ADAM11: variants seen among roughly 807,000 people sequenced by gnomAD.
ADAM11 encodes disintegrin and metalloproteinase domain-containing protein 11.
A neutral mutation model predicts 119.1 loss-of-function variants in ADAM11; 49 were observed. The ratio of observed to expected loss-of-function variants is 0.41; its 90% confidence interval spans 0.33 to 0.52. The LOEUF is 0.52. ADAM11 is among the 20% of genes least tolerant of loss of function. The probability of loss-of-function intolerance (pLI) is 0.20; values close to 1 mark genes in which losing one functional copy is unlikely to be tolerated. For missense variants in ADAM11, 777 were observed against 1,047.5 expected (o/e 0.74, Z 3.56); for synonymous variants, 364 against 408.0 (o/e 0.89, Z 1.30).
Position 44,775,781 on chromosome 17 carries a change from G to A in ADAM11, c.1485+105G>A, listed in dbSNP as rs998192856. 1.3e-5 allele frequency: 15 copies of A among 1,197,464 alleles called. No homozygotes were observed. In the African/African-American group the frequency reaches 1.8e-4, roughly 15 times the overall value. 74.2% of individuals were successfully genotyped at this position (1,197,464 alleles called of 1,614,324 possible). ...GGAGGGAAGCGGAGCCTTCGGGGAC[G>A]AAGGCCTCTGGGGCAGGGCTTGATG... is the stretch of plus-strand genomic sequence containing the variant. On this transcript the variant is annotated intron_variant, in intron 17 of 26. Transcript: ENST00000200557. The surrounding 1 kb of genome is among the most constrained non-coding windows in gnomAD (Gnocchi z 7.5).
rs2049600975 is a variant in ADAM11, at chr17:44,776,296, TC to T, written c.1566+93del. 7.3e-7 allele frequency: 1 copy of T among 1,377,020 alleles called. No individual in the cohort carries two copies. Among genetic ancestry groups the T allele is most frequent in the African/African-American group, 1.4e-5 (1 of 70,206 alleles). 85.3% of individuals were successfully genotyped at this position (1,377,020 alleles called of 1,614,324 possible). A position where few individuals can be genotyped will look rare whatever the true frequency, so the allele number is the denominator to read the frequency against. On this transcript the variant is annotated intron_variant, in intron 18 of 26. Transcript: ENST00000200557. The surrounding 1 kb of genome is among the most constrained non-coding windows in gnomAD (Gnocchi z 5.2). Reference sequence around the variant, plus strand: ...GTTTTCCCGGACGAGTGCTCAGCACTCCCCTCCTCTCCACAGCTGGCATCGA... The same window carrying T: ...GTTTTCCCGGACGAGTGCTCAGCACTCCCTCCTCTCCACAGCTGGCATCGA...
rs1040737594 is a variant in ADAM11, at chr17:44,778,562, C to G, written c.2276+320C>G. On this transcript the variant is annotated intron_variant, in intron 25 of 26. Transcript: ENST00000200557. ...CAAAAATTAGCCAGCCATGGTGGTGCGCACCTGTAATCCCAGCTACTTGCG... is the reference window on the plus strand; with the variant it reads ...CAAAAATTAGCCAGCCATGGTGGTGGGCACCTGTAATCCCAGCTACTTGCG... Among the ~76,000 whole-genome samples, 8 of 151,796 alleles carry G rather than the reference C, an allele frequency of 5.3e-5. No homozygotes were observed. In the East Asian group the frequency reaches 9.7e-4, roughly 18 times the overall value.
intron 26 of ADAM11, 101 bp from the exon 27 acceptor site, chr17:44,779,638 G>T (rs990100128): frequency 3.5e-5 from 52 of 1,501,922 alleles, no homozygotes; most frequent in Non-Finnish European, 4.1e-5. Flanking sequence ...GTGACTTGCC[G>T]CCTGCCTCCA....
chr17:44,770,506 A>T (rs1264702665), intron 4 of ADAM11, among the ~76,000 whole-genome samples: 1 of 98,582 alleles, frequency 1.0e-5, no homozygotes, highest in South Asian at 3.5e-4. Context: ...CCCCGCCCCC[A>T]CTGCCTGTTC....
At chr17:44,771,483 C>A (rs2049523411) in intron 4 of ADAM11, 101 bp from the exon 5 acceptor site, 1 of 1,219,966 alleles carries the variant, frequency 8.2e-7, no homozygotes, top group Non-Finnish European at 1.2e-6. Context: ...ATTGTGGCCA[C>A]CTGCACACAG....
intron 26 of ADAM11, 136 bp from the exon 27 acceptor site, chr17:44,779,603 C>T (rs539718014): frequency 8.1e-6 from 12 of 1,485,446 alleles, no homozygotes; most frequent in South Asian, 7.0e-5. Flanking sequence ...TCTGACCTCC[C>T]GCAGATCCCT....
intron 1 of ADAM11, 197 bp downstream of exon 1, chr17:44,759,457 T>A (rs577597816): frequency 8.0e-7 from 1 of 1,247,184 alleles, no homozygotes; most frequent in South Asian, 3.3e-5. Context: ...ACCGCGTCCC[T>A]GCCCCTGCCG....
At position 44,773,618 on chromosome 17, in the gene ADAM11, G is replaced by A. The variant is rs569596219; in HGVS notation, c.992+191G>A. ...CCCTGAATCTGAGGTTGATGCCCTT[G>A]TCTTAGCCCTGGTGGTCCTCTTCTG... is the stretch of plus-strand genomic sequence containing the variant. On this transcript the variant is annotated intron_variant, in intron 11 of 26. Coordinates refer to ENST00000200557, the MANE Select transcript of ADAM11 (RefSeq NM_002390.6). This position sits in a 1 kb window ranked among gnomAD's most constrained non-coding sequence, Gnocchi z 4.6. 6.6e-6 allele frequency among the ~76,000 whole-genome samples: 1 copy of A among 152,150 alleles called. No homozygotes were observed. The highest frequency in any genetic ancestry group is 1.5e-5 in the Non-Finnish European group (1 of 68,026).
At position 44,772,493 on chromosome 17, in the gene ADAM11, C is replaced by T; in HGVS notation, c.678+27C>T. The T allele has an allele frequency of 6.4e-7, 1 of 1,554,176 alleles. No individual in the cohort carries two copies. Among genetic ancestry groups the T allele is most frequent in the Non-Finnish European group, 8.7e-7 (1 of 1,149,554 alleles). On this transcript the variant is annotated intron_variant, in intron 8 of 26. Transcript: ENST00000200557. The surrounding 1 kb of genome is among the most constrained non-coding windows in gnomAD (Gnocchi z 4.5). Reference sequence around the variant, plus strand: ...TACGGGGGCCCGCACAGACCTCGGGCTGCAGAGACCTCGGGCTGCAGAGAG... The same window carrying T: ...TACGGGGGCCCGCACAGACCTCGGGTTGCAGAGACCTCGGGCTGCAGAGAG...
Position 44,776,753 on chromosome 17 carries a change from T to C in ADAM11, c.1575T>C (p.Pro525=). 2 of 1,614,070 alleles carry C rather than the reference T, an allele frequency of 1.2e-6. No homozygotes were observed. Among genetic ancestry groups the C allele is most frequent in the Non-Finnish European group, 1.7e-6 (2 of 1,179,984 alleles). The part of the protein sequence containing the change: ...TCTGDSSQCP[P]NLHKLDGYYC... The stretch of plus-strand genomic sequence containing the variant: ...CACCCCTCTCTCCACAGTGCCCGCC[T>C]AACCTGCACAAGCTGGACGGTTACT... Residue 525 remains proline (P), a synonymous_variant, in exon 19 of 27, where the codon CCT becomes CCC. Coordinates refer to ENST00000200557, the MANE Select transcript of ADAM11 (RefSeq NM_002390.6). This position sits in a 1 kb window ranked among gnomAD's most constrained non-coding sequence, Gnocchi z 5.2.
chr17:44,770,493 CCCCCCCG>C (rs1567690683), intron 4 of ADAM11, among the ~76,000 whole-genome samples: 7 of 47,620 alleles, frequency 1.5e-4, no homozygotes, highest in South Asian at 1.2e-3. Flanking sequence ...CTGTCTCCCC[CCCCCCCG>C]CCCCCACTGC....
chr17:44,771,762 C>T lies in ADAM11; in HGVS notation c.474C>T (p.Val158=). 6.2e-7 allele frequency: 1 copy of T among 1,613,916 alleles called. No individual in the cohort carries two copies. The highest frequency in any genetic ancestry group is 1.7e-4 in the Middle Eastern group (1 of 6,058). Reference sequence around the variant, plus strand: ...TGCGCCTCTCTCTCCACAGTGGGGTCTTCTCTGATGGGAACTTGACTTACA... The same window carrying T: ...TGCGCCTCTCTCTCCACAGTGGGGTTTTCTCTGATGGGAACTTGACTTACA... ...ALSTCQGLHG[V]FSDGNLTYIV... is the part of the protein sequence containing the mutation. The change falls in exon 6 of 27, where the codon GTC becomes GTT. Residue 158 remains valine (V), a synonymous_variant. Transcript: ENST00000200557.
In ADAM11 at chr17:44,774,660, C is replaced by T. The variant is rs368994627; in HGVS notation, c.1169-38C>T. 6.9e-6 allele frequency: 11 copies of T among 1,592,796 alleles called. No individual in the cohort carries two copies. In the African/African-American group the frequency reaches 1.5e-4, roughly 21 times the overall value. On this transcript the variant is annotated intron_variant, in intron 13 of 26. Transcript: ENST00000200557. The stretch of plus-strand genomic sequence containing the variant: ...GGAGGGTGACAGTGGGAGGGGTGGT[C>T]CTTGGCCTCCCTCATATCCGCCTGG...
intron 1 of ADAM11, 134 bp downstream of exon 1, chr17:44,759,394 G>A: frequency 7.9e-7 from 1 of 1,262,494 alleles, no homozygotes; most frequent in Non-Finnish European, 1.0e-6. Flanking sequence ...GGGTAGGGGA[G>A]CGGGAGAGGA....
At chr17:44,769,340 C>T (rs1015516275) in intron 2 of ADAM11, among the ~76,000 whole-genome samples, 2 of 152,194 alleles carry the variant, frequency 1.3e-5, no homozygotes, top group East Asian at 1.9e-4. Context: ...GGGGCCCTCC[C>T]GTTACTCTGC....
chr17:44,769,698 T>TCGGGGGGGG lies in ADAM11; in HGVS notation c.238-19_238-18insGGGGGGGGC. The stretch of plus-strand genomic sequence containing the variant: ...CAGGCCTCCCTGGGTTGACTCCCCC[T>TCGGGGGGGG]CTGCCCTCCCCCCACCCAGCCTGTC... On this transcript the variant is annotated intron_variant, in intron 2 of 26. Transcript: ENST00000200557. The TCGGGGGGGG allele has an allele frequency of 6.3e-7, 1 of 1,590,576 alleles. No individual in the cohort carries two copies. The highest frequency in any genetic ancestry group is 8.6e-7 in the Non-Finnish European group (1 of 1,160,268).
At chr17:44,779,456 G>C in intron 26 of ADAM11, 26 of 985,384 alleles carry the variant, frequency 2.6e-5, no homozygotes, top group Non-Finnish European at 3.1e-5. Flanking sequence ...CTCAGGCCAC[G>C]TCCTTCTCGA....
Position 44,759,892 on chromosome 17 carries a change from G to T in ADAM11, c.232G>T (p.Gly78Cys). 1.5e-6 allele frequency: 2 copies of T among 1,297,926 alleles called. No individual in the cohort carries two copies. The highest frequency in any genetic ancestry group is 2.0e-6 in the Non-Finnish European group (2 of 1,015,760). 80.4% of individuals were successfully genotyped at this position (1,297,926 alleles called of 1,614,324 possible). ...AAGGGTCCGCCAGGAGCCACCAGGG[G>T]GCCCGGTGAGTGGGGCTGGGTGGTG... The part of the protein sequence containing the change: ...DTRVRQEPPG[G>C]PPVHLAQVSF... Residue 78 changes from glycine to cysteine, a missense_variant, in exon 2 of 27, where the codon GGC (glycine) becomes TGC (cysteine). By Grantham distance (159) the Gly-to-Cys change is radical. This residue lies in a region of ADAM11 where 278 missense variants were observed against 310.1 expected (regional missense o/e 0.90). Transcript: ENST00000200557.
rs755837338 is a variant in ADAM11, at chr17:44,777,786, C to G, written c.1993C>G (p.Arg665Gly). 1 of 1,613,996 alleles carries G rather than the reference C, an allele frequency of 6.2e-7. No individual in the cohort carries two copies. Among genetic ancestry groups the G allele is most frequent in the Non-Finnish European group, 8.5e-7 (1 of 1,180,002 alleles). The change falls in exon 23 of 27, where the codon CGC becomes GGC. Residue 665 changes from arginine to glycine, a missense_variant. Physicochemically the swap from Arg to Gly is moderately radical, Grantham distance 125. Around this residue, in one of 4 missense-constraint regions of ADAM11, gnomAD observed 348 missense variants for 486.7 expected, o/e 0.72. Transcript: ENST00000200557. This position sits in a 1 kb window ranked among gnomAD's most constrained non-coding sequence, Gnocchi z 5.1. ...GCCTAACATGTTGTGCCTGGACCAT[C>G]GCTGCCTGCCAGCTTCTGCCTTCAA... ...CGPNMLCLDH[R>G]CLPASAFNFS...
Sources: allele counts gnomAD v4.1 joint callset (sites outside exome capture counted in the v4.1 genomes callset), GRCh38; gene constraint gnomAD v4.1.1; regional missense constraint gnomAD v4.1.1; non-coding constraint Gnocchi (gnomAD v3.1); transcripts MANE v1.5; gene names NCBI Gene and HGNC (gene_info 2026-07-23, HGNC 2026-07-21).